The following PDE4D variants were observed in gnomAD, a reference collection of about 807,000 sequenced individuals.
PDE4D encodes phosphodiesterase 4D, also known as 3',5'-cyclic-AMP phosphodiesterase 4D.
In PDE4D, 24 loss-of-function variants were observed where a neutral mutation model predicts 87.4. The observed-to-expected ratio is 0.27, with a 90% CI of 0.20 to 0.39. The LOEUF (loss-of-function observed/expected upper bound fraction) is 0.39, where lower values mean the gene tolerates loss of function less well. Ranked by LOEUF, PDE4D falls within the 10% of genes least tolerant of loss-of-function variation. The pLI, the probability that PDE4D is intolerant of heterozygous loss-of-function variation, is 1.00. For synonymous variants in PDE4D, 384 were observed against 383.2 expected (o/e 1.00, Z -0.02); for missense variants, 714 against 1,041.0 (o/e 0.69, Z 4.32).
At chr5:59,159,217 C>G (rs1780674249) in intron 5 of PDE4D, among the ~76,000 whole-genome samples, 1 of 152,104 alleles carries the variant, frequency 6.6e-6, no homozygotes, top group African/African-American at 2.4e-5. Flanking sequence ...CAGCCTAGAC[C>G]TCTTGGGCTC....
chr5:59,356,992 G>C (rs1781485797), intron 1 of PDE4D: 1 of 981,342 alleles, frequency 1.0e-6, no homozygotes, highest in Non-Finnish European at 1.4e-6. Flanking sequence ...CGCTGACAGA[G>C]AGATGGCAGG....
intron 1 of PDE4D, among the ~76,000 whole-genome samples, chr5:60,204,433 A>C (rs1742277863): frequency 6.6e-6 from 1 of 152,204 alleles, no homozygotes; most frequent in African/African-American, 2.4e-5. Flanking sequence ...GCTCTATACG[A>C]ATGGGCATTT....
intron 1 of PDE4D, among the ~76,000 whole-genome samples, chr5:60,434,437 C>CA (rs1744602537): frequency 6.7e-6 from 1 of 148,348 alleles, no homozygotes; most frequent in African/African-American, 2.5e-5. Flanking sequence ...GAACATGTCT[C>CA]TTTTTTTTTT....
chr5:59,266,883 T>A (rs1762944437), intron 1 of PDE4D, among the ~76,000 whole-genome samples: 1 of 151,992 alleles, frequency 6.6e-6, no homozygotes, highest in African/African-American at 2.4e-5. Context: ...AAATATGGGA[T>A]GTAGTTTCGA....
At chr5:59,948,407 A>G (rs1177931508) in intron 3 of PDE4D, among the ~76,000 whole-genome samples, 1 of 152,216 alleles carries the variant, frequency 6.6e-6, no homozygotes, top group Non-Finnish European at 1.5e-5. Context: ...CTGCAGAAAT[A>G]TAGTAGAAAA....
At chr5:60,263,667 A>G (rs2149708445) in intron 1 of PDE4D, among the ~76,000 whole-genome samples, 1 of 152,290 alleles carries the variant, frequency 6.6e-6, no homozygotes, top group East Asian at 1.9e-4. Context: ...AACTGACACC[A>G]GTTTTGTTAT....
chr5:59,351,484 G>T (rs1240141434), intron 1 of PDE4D, among the ~76,000 whole-genome samples: 1 of 152,148 alleles, frequency 6.6e-6, no homozygotes. Context: ...ACATGACACA[G>T]GATGGAGTTG....
intron 5 of PDE4D, among the ~76,000 whole-genome samples, chr5:59,127,018 C>G (rs1010854850): frequency 1.3e-5 from 2 of 152,188 alleles, no homozygotes; most frequent in Admixed American, 6.5e-5. Context: ...TTCGTAACCT[C>G]CAAGACATTT....
At chr5:60,079,387 C>G (rs1773681941) in intron 2 of PDE4D, among the ~76,000 whole-genome samples, 5 of 152,152 alleles carry the variant, frequency 3.3e-5, no homozygotes. Context: ...TAATTAGATC[C>G]TATTTGTCAA....
intron 1 of PDE4D, among the ~76,000 whole-genome samples, chr5:59,412,722 A>G (rs1291602924): frequency 6.6e-6 from 1 of 152,274 alleles, no homozygotes; most frequent in East Asian, 1.9e-4. Flanking sequence ...AGTATAAAGC[A>G]AAAAGAAAAT....
At chr5:59,169,937 G>T (rs530886502) in intron 5 of PDE4D, among the ~76,000 whole-genome samples, 1 of 152,176 alleles carries the variant, frequency 6.6e-6, no homozygotes, top group Admixed American at 6.5e-5. Context: ...TCAGAGACAG[G>T]TTTGGGAAGT....
intron 5 of PDE4D, among the ~76,000 whole-genome samples, chr5:59,101,017 C>T (rs1770647756): frequency 6.6e-6 from 1 of 152,134 alleles, no homozygotes. Flanking sequence ...ATGGTCCTGT[C>T]CAGACCTGTG....
intron 1 of PDE4D, among the ~76,000 whole-genome samples, chr5:59,804,775 C>A (rs180812453): frequency 6.6e-6 from 1 of 151,962 alleles, no homozygotes; most frequent in Non-Finnish European, 1.5e-5. Flanking sequence ...GTGCCAATAG[C>A]GTTGTTTCTT....
intron 1 of PDE4D, among the ~76,000 whole-genome samples, chr5:59,814,529 T>TG (rs1372757381): frequency 6.6e-6 from 1 of 152,068 alleles, no homozygotes; most frequent in Non-Finnish European, 1.5e-5. Flanking sequence ...TGCAGGCAAA[T>TG]GACACCAACA....
chr5:60,081,845 G>A (rs539304974), intron 2 of PDE4D, among the ~76,000 whole-genome samples: 4 of 152,108 alleles, frequency 2.6e-5, no homozygotes, highest in Non-Finnish European at 4.4e-5. Flanking sequence ...AGTCCCTCTG[G>A]ACAATTCCTC....
chr5:59,705,418 G>A (rs1054301594), intron 1 of PDE4D, among the ~76,000 whole-genome samples: 1 of 152,140 alleles, frequency 6.6e-6, no homozygotes, highest in Non-Finnish European at 1.5e-5. Flanking sequence ...AAGAAGGCAA[G>A]CCTGAAATGC....
chr5:59,654,864 G>A (rs1744102044), intron 1 of PDE4D, among the ~76,000 whole-genome samples: 1 of 151,944 alleles, frequency 6.6e-6, no homozygotes, highest in Admixed American at 6.6e-5. Context: ...TGTTTTCAAG[G>A]TTTATACATG....
chr5:60,369,531 GA>G, intron 1 of PDE4D, among the ~76,000 whole-genome samples: 2 of 152,202 alleles, frequency 1.3e-5, no homozygotes, highest in Non-Finnish European at 2.9e-5. Context: ...CCAAGGCAGA[GA>G]GAGGCGGGAT....
chr5:59,001,876 T>G (rs16888990), intron 6 of PDE4D, among the ~76,000 whole-genome samples: 15,725 of 152,232 alleles, frequency 0.1, 1,290 homozygotes, highest in East Asian at 0.47. Context: ...TCTATGACTC[T>G]TTCCTACCAT....
Sources: gnomAD v4.1 joint callset for allele counts (sites outside exome capture counted in the v4.1 genomes callset) on GRCh38, gnomAD v4.1.1 for gene constraint, MANE v1.5 for transcripts, NCBI Gene and HGNC (gene_info 2026-07-23, HGNC 2026-07-21) for gene names.